AP1B1: variants seen among roughly 807,000 people sequenced by gnomAD.
AP1B1 encodes the protein AP-1 complex subunit beta-1.
Under a neutral mutation model 104.3 loss-of-function variants are expected in AP1B1, and 36 were observed. That is an observed-to-expected ratio of 0.35 (90% CI 0.26 to 0.46). The LOEUF is 0.46. Among genes scored for constraint, AP1B1 ranks in the 20% least tolerant of loss-of-function variants. The probability of loss-of-function intolerance (pLI) is 1.00; values close to 1 mark genes in which losing one functional copy is unlikely to be tolerated. For synonymous variants in AP1B1, 504 were observed against 517.5 expected, an observed-to-expected ratio of 0.97 and a Z score of 0.35; for missense variants, 901 against 1,247.9, an observed-to-expected ratio of 0.72 and a Z score of 4.19.
rs780846849 is a variant in AP1B1, at chr22:29,349,282, C to G, written c.1373G>C (p.Arg458Pro). The change falls in exon 11 of 23, where the codon CGG becomes CCG. Residue 458 changes from arginine (R) to proline (P), a missense_variant. This residue lies in a region of AP1B1 where 471 missense variants were observed against 696.7 expected (regional missense o/e 0.68). Transcript: ENST00000357586. Reference protein sequence around the residue: ...MIWIVGEYAERIDNADELLES... With the variant: ...MIWIVGEYAEPIDNADELLES... ...CAGCAGCTCATCTGCGTTGTCGATC[C>G]GTTCCGCGTACTCGCCCACAATCCA... The G allele has an allele frequency of 1.2e-6, 2 of 1,614,060 alleles. No homozygotes were observed. Among genetic ancestry groups the G allele is most frequent in the South Asian group, 2.2e-5 (2 of 91,082 alleles).
rs2061568391 is a variant in AP1B1, at chr22:29,331,991, C to T, written c.2310-75G>A. On this transcript the variant is annotated intron_variant, in intron 17 of 22. Transcript: ENST00000357586. Reference sequence around the variant, plus strand: ...GCGGGACAGGTGAGCTCCTCCGACTCGGGAGCTGGGGCTGTGGTTGGCAGG... The same window carrying T: ...GCGGGACAGGTGAGCTCCTCCGACTTGGGAGCTGGGGCTGTGGTTGGCAGG... The T allele has an allele frequency of 1.6e-5, 23 of 1,429,974 alleles. No homozygotes were observed. In the South Asian group the frequency reaches 1.7e-4, roughly 11 times the overall value. 88.6% of individuals were successfully genotyped at this position (1,429,974 alleles called of 1,614,324 possible).
chr22:29,339,869 AAG>A, intron 14 of AP1B1, 95 bp from the exon 15 acceptor site: 1 of 1,355,470 alleles, frequency 7.4e-7, no homozygotes. Context: ...AGAGAAGGGA[AAG>A]AGGGAGATTA....
At chr22:29,384,634 G>A (rs541604685) in intron 1 of AP1B1, among the ~76,000 whole-genome samples, 1 of 151,328 alleles carries the variant, frequency 6.6e-6, no homozygotes, top group East Asian at 2.0e-4. Context: ...TTGGGAGGCC[G>A]AGGCAGGCGG....
rs112202193 is a variant in AP1B1 at position 29,356,543 on chromosome 22, T to C, written c.599A>G (p.Asn200Ser). 6.2e-7 allele frequency: 1 copy of C among 1,613,964 alleles called. No individual in the cohort carries two copies. Among genetic ancestry groups the C allele is most frequent in the Non-Finnish European group, 8.5e-7 (1 of 1,180,008 alleles). Residue 200 changes from asparagine to serine, a missense_variant, in exon 6 of 23, where the codon AAC becomes AGC. Asn to Ser is a conservative substitution (Grantham distance 46). This residue lies in a region of AP1B1 where 471 missense variants were observed against 696.7 expected (regional missense o/e 0.68). Coordinates refer to ENST00000357586, the MANE Select transcript of AP1B1 (RefSeq NM_001127.4). ...SHPSSNLLDL[N>S]PQSINKLLTA... ...CAGCAGCTTGTTGATGGACTGTGGG[T>C]TCAGATCGAGCAGGTTGCTGCTGGG...
chr22:29,350,763 G>A (rs1448101828), intron 9 of AP1B1, among the ~76,000 whole-genome samples: 1 of 152,220 alleles, frequency 6.6e-6, no homozygotes, highest in African/African-American at 2.4e-5. Context: ...GGACACAGGA[G>A]TCTAGAGTGG....
Position 29,349,283 on chromosome 22 carries a change from G to A in AP1B1, c.1372C>T (p.Arg458Trp), listed in dbSNP as rs1194166263. ...MIWIVGEYAE[R>W]IDNADELLES... is the part of the protein sequence containing the mutation. ...AGCAGCTCATCTGCGTTGTCGATCC[G>A]TTCCGCGTACTCGCCCACAATCCAG... The change falls in exon 11 of 23, where the codon CGG becomes TGG. Residue 458 changes from arginine (R) to tryptophan (W), a missense_variant. By Grantham distance (101) the Arg-to-Trp change is moderately radical (BLOSUM62 -3). Around this residue, in one of 3 missense-constraint regions of AP1B1, gnomAD observed 471 missense variants for 696.7 expected, o/e 0.68. Coordinates refer to ENST00000357586, the MANE Select transcript of AP1B1 (RefSeq NM_001127.4). 45 of 1,614,036 alleles carry A rather than the reference G, an allele frequency of 2.8e-5. No individual in the cohort carries two copies. Among genetic ancestry groups the A allele is most frequent in the South Asian group, 7.7e-5 (7 of 91,084 alleles).
At chr22:29,340,904 A>G (rs1193787922) in intron 13 of AP1B1, 47 bp from the exon 14 acceptor site, 1 of 1,537,312 alleles carries the variant, frequency 6.5e-7, no homozygotes, top group Non-Finnish European at 8.8e-7. Context: ...TGTCTCAGGA[A>G]GGTCAAAGAG....
intron 1 of AP1B1, among the ~76,000 whole-genome samples, chr22:29,380,061 T>C (rs5763179): frequency 0.35 from 53,682 of 151,970 alleles, 10,388 homozygotes; most frequent in East Asian, 0.67. Flanking sequence ...CAGAAATGGT[T>C]CTGGATGCCA....
At chr22:29,343,037 C>G (rs1204405960) in intron 11 of AP1B1, among the ~76,000 whole-genome samples, 1 of 152,080 alleles carries the variant, frequency 6.6e-6, no homozygotes, top group Non-Finnish European at 1.5e-5. Flanking sequence ...CAGTGAGCCC[C>G]CTGTGGGCTG....
intron 1 of AP1B1, among the ~76,000 whole-genome samples, chr22:29,387,043 C>T (rs1365402482): frequency 1.3e-5 from 2 of 152,168 alleles, no homozygotes; most frequent in Admixed American, 6.5e-5. Flanking sequence ...TAGACCAAAA[C>T]GAATGCAGCT....
At position 29,329,587 on chromosome 22, in the gene AP1B1, G is replaced by A. The variant is rs748805516; in HGVS notation, c.2775+125C>T. The A allele has an allele frequency of 2.6e-6, 4 of 1,542,864 alleles. No individual in the cohort carries two copies. In the Admixed American group the frequency reaches 5.8e-5, roughly 22 times the overall value. The stretch of plus-strand genomic sequence containing the variant: ...GCACCTCAATCAGGGCCACCTGGCT[G>A]AAGCCCCCCGGGTGAGGTGAGGCCA... On this transcript the variant is annotated intron_variant, in intron 22 of 22. Coordinates refer to ENST00000357586, the MANE Select transcript of AP1B1 (RefSeq NM_001127.4).
intron 5 of AP1B1, among the ~76,000 whole-genome samples, chr22:29,357,747 C>T (rs1382841484): frequency 2.2e-5 from 3 of 135,920 alleles, no homozygotes; most frequent in Non-Finnish European, 4.5e-5. Context: ...AGTACAGTGA[C>T]GCAGTCTTAG....
chr22:29,359,410 G>C (rs1015811368), intron 4 of AP1B1, among the ~76,000 whole-genome samples: 3 of 152,190 alleles, frequency 2.0e-5, no homozygotes, highest in Non-Finnish European at 2.9e-5. Context: ...AAATTCAGAG[G>C]TACTGAACAT....
At chr22:29,381,690 G>C (rs1007450122) in intron 1 of AP1B1, among the ~76,000 whole-genome samples, 1 of 152,238 alleles carries the variant, frequency 6.6e-6, no homozygotes, top group Non-Finnish European at 1.5e-5. Context: ...AAGGGTAGAA[G>C]ATCAGGTGGC....
At chr22:29,339,483 G>A (rs1193080341) in intron 15 of AP1B1, among the ~76,000 whole-genome samples, 1 of 152,124 alleles carries the variant, frequency 6.6e-6, no homozygotes, top group East Asian at 1.9e-4. Flanking sequence ...ATCAGAGAAG[G>A]GTTGTGGGAC....
At chr22:29,362,227 G>A (rs192163321) in intron 3 of AP1B1, among the ~76,000 whole-genome samples, 4 of 152,374 alleles carry the variant, frequency 2.6e-5, no homozygotes, top group Non-Finnish European at 4.4e-5. Flanking sequence ...CTGCACACCG[G>A]TGACAAATTA....
Position 29,356,571 on chromosome 22 carries a change from G to A in AP1B1, c.571C>T (p.His191Tyr). The change falls in exon 6 of 23, where the codon CAC becomes TAC. Residue 191 changes from histidine to tyrosine, a missense_variant. By Grantham distance (83) the His-to-Tyr change is moderately conservative. Around this residue, in one of 3 missense-constraint regions of AP1B1, gnomAD observed 471 missense variants for 696.7 expected, o/e 0.68. Transcript: ENST00000357586. ...AGATCGAGCAGGTTGCTGCTGGGGTGAGACTCGGCAATTTCTGAGAGCGCT... is the reference window on the plus strand; with the variant it reads ...AGATCGAGCAGGTTGCTGCTGGGGTAAGACTCGGCAATTTCTGAGAGCGCT... Reference protein sequence around the residue: ...VAALSEIAESHPSSNLLDLNP... With the variant: ...VAALSEIAESYPSSNLLDLNP... 1 of 1,614,184 alleles carries A rather than the reference G, an allele frequency of 6.2e-7. No individual in the cohort carries two copies. Among genetic ancestry groups the A allele is most frequent in the Non-Finnish European group, 8.5e-7 (1 of 1,180,022 alleles).
chr22:29,346,287 C>A (rs1180784361), intron 11 of AP1B1, among the ~76,000 whole-genome samples: 1 of 152,176 alleles, frequency 6.6e-6, no homozygotes, highest in East Asian at 1.9e-4. Flanking sequence ...GGCTTAGCTG[C>A]AAAAGACTGA....
chr22:29,330,325 CATG>C (rs762784604), intron 21 of AP1B1, 50 bp downstream of exon 21: 1 of 1,605,228 alleles, frequency 6.2e-7, no homozygotes, highest in East Asian at 2.2e-5. Context: ...CACCCCCTGG[CATG>C]GGACGAAGGG....
Sources: gnomAD v4.1 joint callset for allele counts (sites outside exome capture counted in the v4.1 genomes callset) on GRCh38, gnomAD v4.1.1 for gene constraint, gnomAD v4.1.1 regional missense constraint, MANE v1.5 for transcripts, NCBI Gene and HGNC (gene_info 2026-07-23, HGNC 2026-07-21) for gene names.